The following LYST variants were observed in gnomAD, a reference collection of about 807,000 sequenced individuals.
LYST encodes lysosomal trafficking regulator.
LYST carries 192 observed loss-of-function variants against 413.6 expected under a neutral mutation model. The ratio of observed to expected loss-of-function variants is 0.46; its 90% CI spans 0.41 to 0.52. The LOEUF (loss-of-function observed/expected upper bound fraction) is 0.52. Ranked by LOEUF, LYST falls within the 20% of genes least tolerant of loss-of-function variation. The pLI, the probability that LYST is intolerant of heterozygous loss-of-function variation, is 0.00. For synonymous variants in LYST, 1,525 were observed against 1,567.3 expected, an observed-to-expected ratio of 0.97 and a Z score of 0.64; for missense variants, 3,815 against 4,499.9, an observed-to-expected ratio of 0.85 and a Z score of 4.35.
chr1:235,721,426 A>G (rs1421635120), intron 39 of LYST, among the ~76,000 whole-genome samples: 2 of 152,230 alleles, frequency 1.3e-5, no homozygotes, highest in Admixed American at 1.3e-4. Context: ...AAACATATAT[A>G]AACTCTTTTT....
chr1:235,673,346 G>A (rs758088473), intron 50 of LYST, among the ~76,000 whole-genome samples: 21 of 151,702 alleles, frequency 1.4e-4, no homozygotes, highest in Non-Finnish European at 2.5e-4. Context: ...AACCTTCAAC[G>A]CCAAAGAGAA....
chr1:235,665,653 GA>G (rs1010852296), intron 50 of LYST, among the ~76,000 whole-genome samples: 1 of 130,166 alleles, frequency 7.7e-6, no homozygotes, highest in Non-Finnish European at 1.7e-5. Flanking sequence ...GACTTTTGAA[GA>G]AAAAAAAAGG....
At chr1:235,746,196 T>G in intron 29 of LYST, 140 bp downstream of exon 29, 1 of 720,698 alleles carries the variant, frequency 1.4e-6, no homozygotes, top group Non-Finnish European at 2.3e-6. Context: ...CAGTTCCAAA[T>G]AAGAAACTCT....
At chr1:235,846,656 G>T (rs1156266185) in intron 1 of LYST, among the ~76,000 whole-genome samples, 1 of 151,910 alleles carries the variant, frequency 6.6e-6, no homozygotes, top group Non-Finnish European at 1.5e-5. Flanking sequence ...AATATTCAAA[G>T]AAATAGATAG....
chr1:235,847,818 G>C (rs1383322974), intron 1 of LYST, among the ~76,000 whole-genome samples: 1 of 152,180 alleles, frequency 6.6e-6, no homozygotes, highest in Admixed American at 6.5e-5. Context: ...AATGGTAAAA[G>C]GCCTTGTCCA....
At chr1:235,780,805 AC>A in intron 16 of LYST, 59 bp downstream of exon 16, 1 of 645,490 alleles carries the variant, frequency 1.5e-6, no homozygotes, top group Non-Finnish European at 2.5e-6. Context: ...ACTATACATT[AC>A]AATAAATATA....
intron 3 of LYST, among the ~76,000 whole-genome samples, chr1:235,819,130 C>T (rs1386170566): frequency 1.3e-5 from 2 of 152,182 alleles, no homozygotes; most frequent in African/African-American, 4.8e-5. Context: ...GAATTGTAGT[C>T]CTGAAGAGGG....
chr1:235,806,480 G>T lies in LYST; in HGVS notation c.2656C>A (p.Arg886=). The change falls in exon 6 of 53, where the codon CGG becomes AGG. Residue 886 remains arginine, a synonymous_variant. Coordinates refer to ENST00000389793, the MANE Select transcript of LYST (RefSeq NM_000081.4). ...TGAACATCTTGGTTAACAGTCTTCC[G>T]TCTCTTTGGATAAGCTTCTTTGAGG... ...AGLKEAYPKR[R]KTVNQDVHIN... is the part of the protein sequence containing the mutation. The T allele has an allele frequency of 6.2e-7, 1 of 1,614,036 alleles. No individual in the cohort carries two copies. Among genetic ancestry groups the T allele is most frequent in the East Asian group, 2.2e-5 (1 of 44,874 alleles).
intron 1 of LYST, among the ~76,000 whole-genome samples, chr1:235,849,723 G>A (rs1678301264): frequency 7.0e-6 from 1 of 142,714 alleles, no homozygotes; most frequent in Admixed American, 7.3e-5. Context: ...TACACCAACA[G>A]CGACCAAGTG....
intron 45 of LYST, 112 bp from the exon 46 acceptor site, chr1:235,697,384 T>C (rs970907940): frequency 1.6e-5 from 12 of 741,724 alleles, no homozygotes; most frequent in Non-Finnish European, 2.7e-5. Flanking sequence ...TTATAAGCTC[T>C]GTAAGGGCAA....
intron 25 of LYST, among the ~76,000 whole-genome samples, chr1:235,754,690 G>T (rs2103324178): frequency 6.6e-6 from 1 of 152,254 alleles, no homozygotes; most frequent in Non-Finnish European, 1.5e-5. Context: ...ATAATACATT[G>T]ATTTACCTGG....
At chr1:235,804,424 A>T (rs983223130) in intron 7 of LYST, 80 bp downstream of exon 7, 5 of 1,089,374 alleles carry the variant, frequency 4.6e-6, no homozygotes, top group Non-Finnish European at 7.1e-6. Flanking sequence ...AATGACATTC[A>T]TCAGCGTCCT....
chr1:235,736,471 A>G (rs1664828015), intron 31 of LYST: 1 of 152,152 alleles, frequency 6.6e-6, no homozygotes, highest in Admixed American at 6.5e-5. Context: ...AATATGAATA[A>G]AACAGCATGA....
intron 1 of LYST, among the ~76,000 whole-genome samples, chr1:235,880,220 T>C (rs143516220): frequency 3.5e-4 from 54 of 152,380 alleles, no homozygotes; most frequent in African/African-American, 1.2e-3. Flanking sequence ...TTCCTCAATT[T>C]CAGAGAAGAA....
chr1:235,664,197 G>A lies in LYST; in HGVS notation c.11196-142C>T. On this transcript the variant is annotated intron_variant, in intron 51 of 52. Transcript: ENST00000389793. This position sits in a 1 kb window ranked among gnomAD's most constrained non-coding sequence, Gnocchi z 4.5. ...AGTAGTTCCCTCTAGGGAGTTTGCA[G>A]GGGGTAGATGTGGGAATAAGAGAAC... is the stretch of plus-strand genomic sequence containing the variant. The A allele has an allele frequency of 2.7e-6, 2 of 751,490 alleles. No homozygotes were observed. Among genetic ancestry groups the A allele is most frequent in the Non-Finnish European group, 4.6e-6 (2 of 437,072 alleles). The allele number at this position is 751,490 out of a possible 1,614,324, so 46.6% of individuals were successfully genotyped here.
chr1:235,879,956 C>T (rs1436002055), intron 1 of LYST, among the ~76,000 whole-genome samples: 1 of 152,132 alleles, frequency 6.6e-6, no homozygotes, highest in East Asian at 1.9e-4. Context: ...AGGGTGATCT[C>T]GAACTCCTGA....
chr1:235,715,404 G>C, intron 41 of LYST, 47 bp from the exon 42 acceptor site: 1 of 1,587,824 alleles, frequency 6.3e-7, no homozygotes, highest in Non-Finnish European at 8.6e-7. Context: ...TGGGCTCCAG[G>C]CAACGCTAGA....
rs1387732778 is a variant in LYST, at chr1:235,743,969, A to T, written c.8151+10T>A. On this transcript the variant is annotated intron_variant, in intron 30 of 52. Coordinates refer to ENST00000389793, the MANE Select transcript of LYST (RefSeq NM_000081.4). Reference sequence around the variant, plus strand: ...TGAATGAACATTTCCCATGTAATTAATTTACTTACAATAGATACTTTGAAT... The same window carrying T: ...TGAATGAACATTTCCCATGTAATTATTTTACTTACAATAGATACTTTGAAT... 3 of 1,314,792 alleles carry T rather than the reference A, an allele frequency of 2.3e-6. No homozygotes were observed. Among genetic ancestry groups the T allele is most frequent in the Non-Finnish European group, 3.3e-6 (3 of 909,440 alleles). The allele number at this position is 1,314,792 out of a possible 1,614,324, so 81.4% of individuals were successfully genotyped here.
At chr1:235,855,064 C>G (rs982274795) in intron 1 of LYST, among the ~76,000 whole-genome samples, 8 of 152,192 alleles carry the variant, frequency 5.3e-5, no homozygotes, top group Admixed American at 2.0e-4. Flanking sequence ...ACTTTCTCAA[C>G]TAATTTTTTA....
Sources: gnomAD v4.1 joint callset for allele counts (sites outside exome capture counted in the v4.1 genomes callset) on GRCh38, gnomAD v4.1.1 for gene constraint, Gnocchi (gnomAD v3.1) non-coding constraint, MANE v1.5 for transcripts, NCBI Gene and HGNC (gene_info 2026-07-23, HGNC 2026-07-21) for gene names.